WNK1: variants seen among roughly 807,000 people sequenced by gnomAD.
WNK1 encodes the protein serine/threonine-protein kinase WNK1.
A neutral mutation model predicts 222.8 loss-of-function variants in WNK1; 38 were observed. The observed-to-expected ratio is 0.17, with a 90% CI of 0.13 to 0.22. The LOEUF is 0.22. Among genes scored for constraint, WNK1 ranks in the 10% least tolerant of loss-of-function variants. The probability of loss-of-function intolerance (pLI) is 1.00; values close to 1 mark genes in which losing one functional copy is unlikely to be tolerated. For missense variants in WNK1, 2,348 were observed against 2,918.4 expected (o/e 0.80, Z 4.50); for synonymous variants, 1,090 against 1,092.9 (o/e 1.00, Z 0.05).
At chr12:857,045 T>C in intron 4 of WNK1, 116 bp from the exon 5 acceptor site, 1 of 1,056,768 alleles carries the variant, frequency 9.5e-7, no homozygotes, top group Non-Finnish European at 1.4e-6. Flanking sequence ...TGCAGGCGAG[T>C]CAGAAAAAAA....
intron 1 of WNK1, among the ~76,000 whole-genome samples, chr12:789,539 T>C (rs2153978761): frequency 6.8e-6 from 1 of 146,732 alleles, no homozygotes; most frequent in East Asian, 2.0e-4. Flanking sequence ...TACTCCTTTT[T>C]TTTTTTTTTT....
At chr12:762,938 G>T (rs563970593) in intron 1 of WNK1, among the ~76,000 whole-genome samples, 1 of 146,382 alleles carries the variant, frequency 6.8e-6, no homozygotes, top group South Asian at 2.3e-4. Flanking sequence ...TAGAGGTGGG[G>T]TTTCTCCATG....
chr12:810,015 G>C (rs183332495), intron 1 of WNK1, among the ~76,000 whole-genome samples: 2 of 152,250 alleles, frequency 1.3e-5, no homozygotes, highest in East Asian at 3.9e-4. Context: ...ACTTTGGGTG[G>C]CTGAGATGGG....
intron 5 of WNK1, 127 bp from the exon 6 acceptor site, chr12:859,118 A>G (rs1592049138): frequency 1.3e-6 from 1 of 792,774 alleles, no homozygotes. Context: ...AATGAGTTAT[A>G]CTTTCCCCTG....
At chr12:872,349 AT>A (rs1592117334) in intron 9 of WNK1, among the ~76,000 whole-genome samples, 1 of 152,076 alleles carries the variant, frequency 6.6e-6, no homozygotes, top group Admixed American at 6.5e-5. Flanking sequence ...GCGTTTCACC[AT>A]GTTGGCCAGG....
chr12:775,999 G>A (rs1436094077), intron 1 of WNK1, among the ~76,000 whole-genome samples: 1 of 152,084 alleles, frequency 6.6e-6, no homozygotes, highest in African/African-American at 2.4e-5. Context: ...TGATTACCTT[G>A]TAGTGCACGT....
At chr12:834,090 G>T (rs1949006130) in intron 4 of WNK1, among the ~76,000 whole-genome samples, 1 of 152,134 alleles carries the variant, frequency 6.6e-6, no homozygotes, top group African/African-American at 2.4e-5. Context: ...AAAAAGAGAA[G>T]GTAGAAGAAT....
chr12:817,838 A>G (rs1449919868), intron 2 of WNK1, among the ~76,000 whole-genome samples: 44 of 103,276 alleles, frequency 4.3e-4, no homozygotes, highest in Non-Finnish European at 7.9e-4. Flanking sequence ...CTGTAATCCC[A>G]GCTACCCGGG....
intron 12 of WNK1, among the ~76,000 whole-genome samples, 183 bp downstream of exon 12, chr12:881,182 G>A (rs1953123236): frequency 6.6e-6 from 1 of 152,170 alleles, no homozygotes; most frequent in East Asian, 1.9e-4. Context: ...TGTTTCCACT[G>A]GCTGTTCTGT....
rs1940511985 is a variant in WNK1, at chr12:758,389, T to TTTC, written c.759+4067_759+4068insCTT. On this transcript the variant is annotated intron_variant, in intron 1 of 27. Transcript: ENST00000315939. ...GCTATAGTTCTTTTTTTTTTTTTTT[T>TTTC]TTTTTTTTTGAGACGGAGTCTCGCT... Among the ~76,000 whole-genome samples the TTTC allele has an allele frequency of 1.8e-5, 2 of 113,406 alleles. 1 individual carries two copies. Among genetic ancestry groups the TTTC allele is most frequent in the South Asian group, 6.3e-4 (2 of 3,154 alleles). 74.4% of individuals were successfully genotyped at this position (113,406 alleles called of 152,430 possible). A position where few individuals can be genotyped will look rare whatever the true frequency, so the allele number is the denominator to read the frequency against.
At chr12:887,635 C>T (rs1461852120) in intron 20 of WNK1, among the ~76,000 whole-genome samples, 2 of 151,998 alleles carry the variant, frequency 1.3e-5, no homozygotes, top group African/African-American at 2.4e-5. Context: ...AGCGAAATTG[C>T]GTATATAATC....
chr12:797,492 G>A (rs528038362), intron 1 of WNK1, among the ~76,000 whole-genome samples: 2 of 152,138 alleles, frequency 1.3e-5, no homozygotes, highest in Non-Finnish European at 2.9e-5. Context: ...TAATACAGCA[G>A]CAATCCTAAT....
intron 1 of WNK1, among the ~76,000 whole-genome samples, chr12:805,776 G>T (rs540485458): frequency 6.6e-6 from 1 of 152,032 alleles, no homozygotes; most frequent in East Asian, 1.9e-4. Context: ...TGTCATTTAG[G>T]TTATCATTTG....
At chr12:880,150 A>G in intron 11 of WNK1, 119 bp downstream of exon 11, 2 of 971,556 alleles carry the variant, frequency 2.1e-6, no homozygotes, top group African/African-American at 1.6e-5. Context: ...CAACTAGAGA[A>G]GCAAAATAGT....
chr12:861,216 T>C lies in WNK1; in HGVS notation c.1824T>C (p.Ser608=), dbSNP rs1951196248. 6.2e-7 allele frequency: 1 copy of C among 1,613,984 alleles called. No homozygotes were observed. The highest frequency in any genetic ancestry group is 1.7e-5 in the Admixed American group (1 of 59,998). ...AGACAGGAATCAAGCAGCTCCCTTC[T>C]GCTAGCACCGGCATACCTACTGCTT... ...ASQTGIKQLP[S]ASTGIPTAST... is the part of the protein sequence containing the mutation. Residue 608 remains serine (S), a synonymous_variant, in exon 7 of 28, where the codon TCT becomes TCC. Coordinates refer to ENST00000315939, the MANE Select transcript of WNK1 (RefSeq NM_018979.4).
At chr12:886,128 T>TG (rs773646271) in intron 19 of WNK1, 44 bp downstream of exon 19, 87 of 1,530,822 alleles carry the variant, frequency 5.7e-5, no homozygotes, top group Non-Finnish European at 7.3e-5. Context: ...ATGATCAGTT[T>TG]TTTTTCTCCC....
At chr12:777,684 C>G (rs1391514242) in intron 1 of WNK1, among the ~76,000 whole-genome samples, 1 of 152,106 alleles carries the variant, frequency 6.6e-6, no homozygotes, top group Non-Finnish European at 1.5e-5. Context: ...AAGCAAAGCT[C>G]CTGGTATTTT....
At chr12:897,840 T>C (rs1565607719) in intron 25 of WNK1, among the ~76,000 whole-genome samples, 159 bp downstream of exon 25, 1 of 152,262 alleles carries the variant, frequency 6.6e-6, no homozygotes, top group Non-Finnish European at 1.5e-5. Context: ...TTACATTTAT[T>C]GTACCTCTTT....
chr12:832,871 A>G (rs1948903241), intron 4 of WNK1, among the ~76,000 whole-genome samples: 1 of 152,196 alleles, frequency 6.6e-6, no homozygotes, highest in African/African-American at 2.4e-5. Context: ...GATGATTCTG[A>G]TAAGTACCCT....
Sources: gnomAD v4.1 joint callset for allele counts (sites outside exome capture counted in the v4.1 genomes callset) on GRCh38, gnomAD v4.1.1 for gene constraint, MANE v1.5 for transcripts, NCBI Gene and HGNC (gene_info 2026-07-23, HGNC 2026-07-21) for gene names.